Variants in NARS1 observed in about 807,000 individuals in gnomAD.
NARS1 encodes the protein asparagine--tRNA ligase, cytoplasmic.
In NARS1, 65 loss-of-function variants were observed where a neutral mutation model predicts 79.2. That is an observed-to-expected ratio of 0.82 (90% CI 0.67 to 1.01). The LOEUF (loss-of-function observed/expected upper bound fraction) is 1.01. Among genes scored for constraint, NARS1 ranks in the 50% least tolerant of loss-of-function variants. The probability of loss-of-function intolerance (pLI) is 0.00; values close to 1 mark genes in which losing one functional copy is unlikely to be tolerated. For synonymous variants in NARS1, 229 were observed against 238.8 expected (o/e 0.96, Z 0.38); for missense variants, 649 against 673.8 (o/e 0.96, Z 0.41).
intron 10 of NARS1, among the ~76,000 whole-genome samples, chr18:57,606,356 ATATAT>A (rs1568163300): frequency 0.022 from 2,959 of 134,658 alleles, 175 homozygotes; most frequent in African/African-American, 0.068. Flanking sequence ...AAAAAAAAAT[ATATAT>A]ATATATATAT....
chr18:57,602,005 G>A (rs766195918), intron 13 of NARS1, among the ~76,000 whole-genome samples: 1 of 151,928 alleles, frequency 6.6e-6, no homozygotes, highest in Non-Finnish European at 1.5e-5. Flanking sequence ...ATCAACCAGG[G>A]AATAAGTACT....
Position 57,621,836 on chromosome 18 carries a change from T to C in NARS1, c.-119A>G. ...GGCGTTGCATCAGAGAGCGTAGATCTGAGGGCGCCTGCGAGAATCGGCCGA... is the reference window on the plus strand; with the variant it reads ...GGCGTTGCATCAGAGAGCGTAGATCCGAGGGCGCCTGCGAGAATCGGCCGA... On this transcript the variant is annotated 5_prime_UTR_variant, in exon 1 of 14. Transcript: ENST00000256854. 1 of 1,565,528 alleles carries C rather than the reference T, an allele frequency of 6.4e-7. No individual in the cohort carries two copies. Among genetic ancestry groups the C allele is most frequent in the African/African-American group, 1.4e-5 (1 of 73,452 alleles).
intron 11 of NARS1, among the ~76,000 whole-genome samples, chr18:57,604,353 G>A (rs1264021196): frequency 6.6e-6 from 1 of 151,712 alleles, no homozygotes; most frequent in Admixed American, 6.6e-5. Context: ...AGGAGTTTGA[G>A]ACCAGCCCAG....
At chr18:57,616,905 C>A (rs1908051755) in intron 2 of NARS1, among the ~76,000 whole-genome samples, 1 of 121,576 alleles carries the variant, frequency 8.2e-6, no homozygotes, top group Admixed American at 1.1e-4. Context: ...GCTGAGATGG[C>A]ACCACTGCAC....
intron 13 of NARS1, 95 bp downstream of exon 13, chr18:57,602,260 A>G: frequency 1.7e-6 from 2 of 1,176,718 alleles, no homozygotes; most frequent in Non-Finnish European, 2.4e-6. Flanking sequence ...CAAATACCAA[A>G]GTACTACCCT....
intron 5 of NARS1, among the ~76,000 whole-genome samples, chr18:57,613,115 G>C (rs1031139292): frequency 6.6e-5 from 10 of 152,044 alleles, no homozygotes; most frequent in African/African-American, 2.2e-4. Flanking sequence ...GCCAGGTGAG[G>C]TGCTATGTGC....
chr18:57,607,701 GA>G, intron 7 of NARS1, 36 bp from the exon 8 acceptor site: 1 of 1,516,990 alleles, frequency 6.6e-7, no homozygotes, highest in Non-Finnish European at 8.9e-7. Flanking sequence ...GAGAAAGAGG[GA>G]AAAGGAAATA....
chr18:57,608,437 CAAAAAAAAAA>C (rs1175712420), intron 7 of NARS1, among the ~76,000 whole-genome samples: 2 of 78,276 alleles, frequency 2.6e-5, no homozygotes, highest in Non-Finnish European at 4.5e-5. Flanking sequence ...AACTCCGTCT[CAAAAAAAAAA>C]AAAAAAAAAA....
intron 2 of NARS1, among the ~76,000 whole-genome samples, chr18:57,616,424 GAAA>G (rs1241959900): frequency 1.4e-5 from 1 of 73,626 alleles, no homozygotes. Flanking sequence ...TGTCTCAAGA[GAAA>G]AAAAAAAAAA....
Position 57,606,743 on chromosome 18 carries a change from T to C in NARS1, c.1010A>G (p.His337Arg). 6.2e-7 allele frequency: 1 copy of C among 1,613,944 alleles called. No homozygotes were observed. The change falls in exon 10 of 14, where the codon CAC (histidine) becomes CGC (arginine). Residue 337 changes from histidine to arginine, a missense_variant. Coordinates refer to ENST00000256854, the MANE Select transcript of NARS1 (RefSeq NM_004539.4). ...RTRRHLAEYT[H>R]VEAECPFLTF... ...CAGGAAAGGACACTCAGCTTCCACG[T>C]GAGTGTACCTGAAGAACGAGACAAT...
intron 10 of NARS1, among the ~76,000 whole-genome samples, chr18:57,606,354 ATATAT>A (rs749295905): frequency 0.13 from 18,110 of 141,732 alleles, 1,600 homozygotes; most frequent in Non-Finnish European, 0.16. Flanking sequence ...CAAAAAAAAA[ATATAT>A]ATATATATAT....
rs753146449 is a variant in NARS1, at chr18:57,611,652, G to A, written c.477C>T (p.Val159=). 1.3e-6 allele frequency: 2 copies of A among 1,594,384 alleles called. No individual in the cohort carries two copies. Among genetic ancestry groups the A allele is most frequent in the Non-Finnish European group, 1.7e-6 (2 of 1,171,430 alleles). The part of the protein sequence containing the change: ...LRDGTGYLQC[V]LADELCQCYN... ...AAATATTTACCAACTCATCCGCCAA[G>A]ACACACTGAAGATAACCTGTACCAT... Residue 159 remains valine, a synonymous_variant, in exon 6 of 14, where the codon GTC becomes GTT. Coordinates refer to ENST00000256854, the MANE Select transcript of NARS1 (RefSeq NM_004539.4).
chr18:57,621,562 C>A, intron 1 of NARS1, 146 bp downstream of exon 1: 1 of 337,056 alleles, frequency 3.0e-6, no homozygotes, highest in South Asian at 2.4e-5. Flanking sequence ...GGCCAGCACC[C>A]TCCCTCCCTC....
rs2051515764 is a variant in NARS1, at chr18:57,602,413, A to G, written c.1457T>C (p.Leu486Pro). 6.2e-7 allele frequency: 1 copy of G among 1,613,998 alleles called. No homozygotes were observed. The highest frequency in any genetic ancestry group is 1.3e-5 in the African/African-American group (1 of 75,034). The change falls in exon 13 of 14, where the codon CTG (leucine) becomes CCG (proline). Residue 486 changes from leucine (L) to proline (P), a missense_variant. By Grantham distance (98) the Leu-to-Pro change is moderately conservative (BLOSUM62 -3). Coordinates refer to ENST00000256854, the MANE Select transcript of NARS1 (RefSeq NM_004539.4). ...SMRIFDSEEI[L>P]AGYKREGIDP... ...AATCCCTTCCCTTTTATAACCTGCCAGTATTTCTTCACTATCAAAGATACG... is the reference window on the plus strand; with the variant it reads ...AATCCCTTCCCTTTTATAACCTGCCGGTATTTCTTCACTATCAAAGATACG...
rs552033043 is a variant in NARS1 at position 57,603,404 on chromosome 18, C to A, written c.1252-461G>T. On this transcript the variant is annotated intron_variant, in intron 11 of 13. Transcript: ENST00000256854. ...AGAGTATATTACTAATGACACTTAT[C>A]TTTAAACTCTCCTGTTATCTACCCT... 1.1e-4 allele frequency among the ~76,000 whole-genome samples: 17 copies of A among 152,262 alleles called. 1 individual carries two copies. The East Asian group carries it at 3.3e-3, about 29-fold the overall frequency.
rs148784742 is a variant in NARS1 at position 57,607,456 on chromosome 18, C to T, written c.789G>A (p.Arg263=). The stretch of plus-strand genomic sequence containing the variant: ...AATGCATACTTACTTCATAGTACCC[C>T]CTATCAAAGAAGTGATCTCTAAAGC... The part of the protein sequence containing the change: ...TRCFRDHFFD[R]GYYEVTPPTL... Residue 263 remains arginine (R), a synonymous_variant, in exon 8 of 14, where the codon AGG becomes AGA. Coordinates refer to ENST00000256854, the MANE Select transcript of NARS1 (RefSeq NM_004539.4). The T allele has an allele frequency of 3.7e-4, 601 of 1,614,006 alleles. 5 individuals are homozygous for T. The highest frequency in any genetic ancestry group is 3.1e-3 in the South Asian group (278 of 91,080).
At chr18:57,606,003 T>C (rs1241904734) in intron 10 of NARS1, 33 bp from the exon 11 acceptor site, 12 of 1,277,500 alleles carry the variant, frequency 9.4e-6, no homozygotes, top group Admixed American at 2.1e-5. Flanking sequence ...AATGTGTATA[T>C]ATACATAAAT....
chr18:57,611,109 G>T (rs1169833311), intron 6 of NARS1, among the ~76,000 whole-genome samples: 1 of 151,674 alleles, frequency 6.6e-6, no homozygotes, highest in African/African-American at 2.4e-5. Flanking sequence ...TGAGACTACA[G>T]ATATGCACCA....
At chr18:57,615,172 T>C (rs1476816894) in intron 4 of NARS1, among the ~76,000 whole-genome samples, 1 of 147,150 alleles carries the variant, frequency 6.8e-6, no homozygotes, top group Non-Finnish European at 1.5e-5. Context: ...TGTCTCAAAA[T>C]AAATAAATTA....
Sources: allele counts gnomAD v4.1 joint callset (sites outside exome capture counted in the v4.1 genomes callset), GRCh38; gene constraint gnomAD v4.1.1; transcripts MANE v1.5; gene names NCBI Gene and HGNC (gene_info 2026-07-23, HGNC 2026-07-21).